The following FAM135A variants were observed in gnomAD, a reference collection of about 807,000 sequenced individuals.
FAM135A encodes protein FAM135A.
A neutral mutation model predicts 146.8 loss-of-function variants in FAM135A; 79 were observed. The observed-to-expected ratio is 0.54, with a 90% confidence interval of 0.45 to 0.65. The LOEUF (loss-of-function observed/expected upper bound fraction) is 0.65. Among genes scored for constraint, FAM135A ranks in the 30% least tolerant of loss-of-function variants. The pLI is 0.00. For synonymous variants in FAM135A, 562 were observed against 603.6 expected, an observed-to-expected ratio of 0.93 and a Z score of 1.01; for missense variants, 1,623 against 1,758.2, an observed-to-expected ratio of 0.92 and a Z score of 1.38.
At chr6:70,446,210 A>G (rs1211880788) in intron 4 of FAM135A, among the ~76,000 whole-genome samples, 1 of 152,178 alleles carries the variant, frequency 6.6e-6, no homozygotes, top group Admixed American at 6.5e-5. Context: ...ATTCTTTCCC[A>G]AATTTTGATC....
chr6:70,419,833 A>T (rs536519589), intron 2 of FAM135A, among the ~76,000 whole-genome samples: 16 of 152,286 alleles, frequency 1.1e-4, no homozygotes, highest in African/African-American at 3.4e-4. Context: ...TGGCCCCTGA[A>T]TCCACGTTTA....
In FAM135A at chr6:70,475,700, C is replaced by G; in HGVS notation, c.335C>G (p.Ser112Cys). 1.3e-6 allele frequency: 2 copies of G among 1,487,756 alleles called. No homozygotes were observed. Among genetic ancestry groups the G allele is most frequent in the East Asian group, 5.0e-5 (2 of 40,006 alleles). 92.2% of individuals were successfully genotyped at this position (1,487,756 alleles called of 1,614,324 possible). Residue 112 changes from serine (S) to cysteine (C), a missense_variant, in exon 7 of 22, where the codon TCC (serine) becomes TGC (cysteine). Physicochemically the swap from Ser to Cys is moderately radical, Grantham distance 112. Around this residue, in one of 7 missense-constraint regions of FAM135A, gnomAD observed 171 missense variants for 164.9 expected, o/e 1.04. Transcript: ENST00000418814. ...CTTGAGGAAATGAATTTTCTATTAT[C>G]CTTGGATCTACACTTCACAGATGGA... ...ETLEEMNFLL[S>C]LDLHFTDGDY...
At chr6:70,451,775 A>G (rs1777139216) in intron 4 of FAM135A, among the ~76,000 whole-genome samples, 2 of 152,116 alleles carry the variant, frequency 1.3e-5, no homozygotes, top group Admixed American at 6.6e-5. Context: ...ATATATCTAA[A>G]CTTATCCCTA....
chr6:70,559,934 G>C lies in FAM135A; in HGVS notation c.*13G>C. The C allele has an allele frequency of 6.3e-7, 1 of 1,587,084 alleles. No homozygotes were observed. Among genetic ancestry groups the C allele is most frequent in the East Asian group, 2.2e-5 (1 of 44,656 alleles). On this transcript the variant is annotated 3_prime_UTR_variant, in exon 22 of 22. Coordinates refer to ENST00000418814, the MANE Select transcript of FAM135A (RefSeq NM_001162529.3). ...ATATTTCCAATAGTATAAAAGCATT[G>C]TTAGCGACTGGACAATTACCTCATT...
intron 12 of FAM135A, among the ~76,000 whole-genome samples, chr6:70,520,166 T>C (rs1793246343): frequency 6.6e-6 from 1 of 152,164 alleles, no homozygotes; most frequent in Admixed American, 6.5e-5. Context: ...CATTTTTCTT[T>C]GTCTAATTTG....
intron 4 of FAM135A, among the ~76,000 whole-genome samples, chr6:70,437,920 T>A (rs907960825): frequency 6.6e-6 from 1 of 152,174 alleles, no homozygotes. Flanking sequence ...ATTGTGAAAT[T>A]TCTTTCATAA....
chr6:70,418,837 T>G (rs1307322148), intron 2 of FAM135A, among the ~76,000 whole-genome samples: 1 of 152,220 alleles, frequency 6.6e-6, no homozygotes, highest in Admixed American at 6.5e-5. Context: ...TTACACCAGA[T>G]AGCAGGTTTG....
intron 5 of FAM135A, among the ~76,000 whole-genome samples, chr6:70,466,560 C>T (rs1234004158): frequency 6.6e-6 from 1 of 152,130 alleles, no homozygotes; most frequent in African/African-American, 2.4e-5. Flanking sequence ...TGGAGATGTT[C>T]GTGGGCAAGG....
intron 5 of FAM135A, among the ~76,000 whole-genome samples, chr6:70,464,667 C>CTTT (rs533623758): frequency 7.0e-5 from 7 of 99,380 alleles, no homozygotes; most frequent in Non-Finnish European, 1.3e-4. Context: ...TCTTTTTTTT[C>CTTT]TTTTTTTTTT....
intron 12 of FAM135A, among the ~76,000 whole-genome samples, chr6:70,513,740 A>G (rs907529337): frequency 7.2e-5 from 11 of 152,084 alleles, no homozygotes; most frequent in Admixed American, 1.3e-4. Context: ...TAGGTAGAGT[A>G]TTCTATAAAT....
chr6:70,512,546 A>G (rs539310156), intron 12 of FAM135A, among the ~76,000 whole-genome samples: 61 of 151,770 alleles, frequency 4.0e-4, no homozygotes, highest in African/African-American at 1.4e-3. Context: ...TTTAACTACT[A>G]TAGTAGGGGT....
intron 8 of FAM135A, among the ~76,000 whole-genome samples, chr6:70,479,726 T>A (rs1001223135): frequency 4.6e-5 from 7 of 152,184 alleles, no homozygotes; most frequent in Admixed American, 4.6e-4. Context: ...TGAAAAATTT[T>A]TAATTTATAA....
intron 11 of FAM135A, among the ~76,000 whole-genome samples, chr6:70,498,762 C>A (rs184574732): frequency 1.3e-5 from 2 of 152,294 alleles, no homozygotes; most frequent in African/African-American, 2.4e-5. Context: ...GCAGGTTGTT[C>A]AGTTTCCACG....
At chr6:70,438,958 A>C (rs1773841189) in intron 4 of FAM135A, among the ~76,000 whole-genome samples, 1 of 152,114 alleles carries the variant, frequency 6.6e-6, no homozygotes, top group Admixed American at 6.5e-5. Context: ...GGAGCTTGAG[A>C]CCAGCCTGGG....
At chr6:70,419,679 A>G (rs1301189514) in intron 2 of FAM135A, among the ~76,000 whole-genome samples, 2 of 152,202 alleles carry the variant, frequency 1.3e-5, no homozygotes, top group South Asian at 2.1e-4. Flanking sequence ...GTTCCCACAT[A>G]TTGTCATAGT....
rs1161891856 is a variant in FAM135A, at chr6:70,526,569, C to T, written c.3485C>T (p.Ser1162Phe). 8 of 1,613,528 alleles carry T rather than the reference C, an allele frequency of 5.0e-6. No homozygotes were observed. Among genetic ancestry groups the T allele is most frequent in the Admixed American group, 3.3e-5 (2 of 59,962 alleles). Residue 1162 changes from serine (S) to phenylalanine (F), a missense_variant, in exon 15 of 22, where the codon TCT (serine) becomes TTT (phenylalanine). Transcript: ENST00000418814. ...CLSFPSAPRE[S>F]PCNVKYSSKS... ...TCCTTCCCGTCTGCACCACGAGAGT[C>T]TCCTTGTAATGTTAAATATTCTTCC... is the stretch of plus-strand genomic sequence containing the variant.
rs557656558 is a variant in FAM135A, at chr6:70,480,837, A to G, written c.543-64A>G. On this transcript the variant is annotated intron_variant, in intron 8 of 21. Transcript: ENST00000418814. ...CTATTCCTGTAAGATTTTCCTTTGT[A>G]AATATTTAACTTACATTCAAATAGA... 8 of 1,464,224 alleles carry G rather than the reference A, an allele frequency of 5.5e-6. No individual in the cohort carries two copies. In the East Asian group the frequency reaches 2.0e-4, roughly 37 times the overall value. The allele number at this position is 1,464,224 out of a possible 1,614,324, so 90.7% of individuals were successfully genotyped here. A position where few individuals can be genotyped will look rare whatever the true frequency, so the allele number is the denominator to read the frequency against.
chr6:70,508,219 T>C (rs1790229095), intron 12 of FAM135A, among the ~76,000 whole-genome samples: 2 of 152,134 alleles, frequency 1.3e-5, no homozygotes, highest in African/African-American at 2.4e-5. Flanking sequence ...GGGAGACATA[T>C]CTCTGTTTCC....
At position 70,518,638 on chromosome 6, in the gene FAM135A, CA is replaced by C. The variant is rs1442101265; in HGVS notation, c.1030-3874del. Among the ~76,000 whole-genome samples, 4 of 152,128 alleles carry C rather than the reference CA, an allele frequency of 2.6e-5. No individual in the cohort carries two copies. In the East Asian group the frequency reaches 7.7e-4, roughly 29 times the overall value. On this transcript the variant is annotated intron_variant, in intron 12 of 21. Coordinates refer to ENST00000418814, the MANE Select transcript of FAM135A (RefSeq NM_001162529.3). ...GTAACTGGTGCCTTGAAGTTGAAGC[CA>C]GTACTCATTTACCATTCCTAAATTC...
Sources: allele counts gnomAD v4.1 joint callset (sites outside exome capture counted in the v4.1 genomes callset), GRCh38; gene constraint gnomAD v4.1.1; regional missense constraint gnomAD v4.1.1; transcripts MANE v1.5; gene names NCBI Gene and HGNC (gene_info 2026-07-23, HGNC 2026-07-21).